Variants in DLEC1 observed in about 807,000 individuals in gnomAD.
DLEC1 encodes DLEC1 cilia and flagella associated protein, also known as deleted in lung and esophageal cancer protein 1.
Under a neutral mutation model 198.1 loss-of-function variants are expected in DLEC1, and 146 were observed. The ratio of observed to expected loss-of-function variants is 0.74; its 90% CI spans 0.64 to 0.85. The LOEUF (loss-of-function observed/expected upper bound fraction) is 0.85, where lower values mean the gene tolerates loss of function less well. DLEC1 is among the 40% of genes least tolerant of loss of function. The pLI, the probability that DLEC1 is intolerant of heterozygous loss-of-function variation, is 0.00. For missense variants in DLEC1, 2,233 were observed against 2,220.0 expected (o/e 1.01, Z -0.12); for synonymous variants, 897 against 866.8 (o/e 1.03, Z -0.61).
chr3:38,109,672 C>A, intron 22 of DLEC1, 110 bp downstream of exon 22: 1 of 1,550,070 alleles, frequency 6.5e-7, no homozygotes, highest in South Asian at 1.2e-5. Flanking sequence ...CTGATTCCTG[C>A]AGGCAGGAAA....
chr3:38,081,656 G>A (rs1302362993), intron 6 of DLEC1, among the ~76,000 whole-genome samples: 15 of 88,188 alleles, frequency 1.7e-4, no homozygotes, highest in South Asian at 1.1e-3. Context: ...GCGGCTGGCC[G>A]GGTGGGGGGG....
At position 38,123,416 on chromosome 3, in the gene DLEC1, C is replaced by A; in HGVS notation, c.*1004C>A. 1 of 325,454 alleles carries A rather than the reference C, an allele frequency of 3.1e-6. No homozygotes were observed. The allele number at this position is 325,454 out of a possible 1,614,324, so 20.2% of individuals were successfully genotyped here. ...CCTCCCCAGGGATCGATCATAATCC[C>A]AAAAGACACAATCCCAAACACAATC... On this transcript the variant is annotated 3_prime_UTR_variant, in exon 37 of 37. Transcript: ENST00000308059.
intron 2 of DLEC1, among the ~76,000 whole-genome samples, chr3:38,056,952 AATGATG>A (rs1196949499): frequency 6.6e-6 from 1 of 152,200 alleles, no homozygotes; most frequent in Non-Finnish European, 1.5e-5. Context: ...CACCCATCAG[AATGATG>A]ATGATGATGT....
At chr3:38,085,211 G>A in intron 7 of DLEC1, 63 bp from the exon 8 acceptor site, 1 of 1,582,282 alleles carries the variant, frequency 6.3e-7, no homozygotes, top group South Asian at 1.1e-5. Context: ...TGTACCAGCT[G>A]AGCTCAAGCC....
Position 38,115,038 on chromosome 3 carries a change from A to G in DLEC1, c.3841A>G (p.Asn1281Asp). ...DTVTRTLRLN[N>D]SSPCDIRLDW... ...AGTTACCCGAACCCTTCGCCTGAAT[A>G]ACTCCAGCCCCTGTGGTAAGACATG... The change falls in exon 27 of 37, where the codon AAC becomes GAC. Residue 1281 changes from asparagine to aspartate, a missense_variant. Asn to Asp is a conservative substitution (Grantham distance 23). Transcript: ENST00000308059. 6.2e-7 allele frequency: 1 copy of G among 1,614,004 alleles called. No individual in the cohort carries two copies. The highest frequency in any genetic ancestry group is 8.5e-7 in the Non-Finnish European group (1 of 1,179,934).
chr3:38,049,338 A>G (rs561788485), intron 2 of DLEC1, among the ~76,000 whole-genome samples: 3 of 152,068 alleles, frequency 2.0e-5, no homozygotes, highest in Non-Finnish European at 4.4e-5. Flanking sequence ...ACTTTTTTTT[A>G]TAACTCAGAT....
At chr3:38,084,499 T>C (rs1299344505) in intron 7 of DLEC1, among the ~76,000 whole-genome samples, 1 of 150,142 alleles carries the variant, frequency 6.7e-6, no homozygotes, top group African/African-American at 2.4e-5. Flanking sequence ...GTGGTAGTAG[T>C]AGTGGTAGTA....
At chr3:38,099,821 G>T (rs1699214856) in intron 18 of DLEC1, among the ~76,000 whole-genome samples, 1 of 151,904 alleles carries the variant, frequency 6.6e-6, no homozygotes, top group Non-Finnish European at 1.5e-5. Context: ...CTGCAGTAGG[G>T]GACAGAAGGA....
chr3:38,070,626 A>G (rs1431012482), intron 6 of DLEC1, among the ~76,000 whole-genome samples: 10 of 152,152 alleles, frequency 6.6e-5, no homozygotes, highest in Non-Finnish European at 1.0e-4. Flanking sequence ...GGTCCATTTT[A>G]TAAGATTTGG....
intron 20 of DLEC1, 33 bp from the exon 21 acceptor site, chr3:38,108,368 CAGTA>C: frequency 1.3e-6 from 2 of 1,553,234 alleles, no homozygotes; most frequent in Non-Finnish European, 1.8e-6. Flanking sequence ...TCTGGGAGCC[CAGTA>C]AGTGACAACA....
At position 38,039,268 on chromosome 3, in the gene DLEC1, C is replaced by G. The variant is rs1248943158; in HGVS notation, c.43C>G (p.Arg15Gly). The G allele has an allele frequency of 4.3e-6, 7 of 1,613,600 alleles. No homozygotes were observed. The highest frequency in any genetic ancestry group is 3.3e-5 in the Admixed American group (2 of 59,956). The stretch of plus-strand genomic sequence containing the variant: ...CAAAACGCGGAGGTCTTTAGCGTCC[C>G]GGACCAACGAGTGCCAGGGGACAAT... Reference protein sequence around the residue: ...SSKTRRSLASRTNECQGTMWA... With the variant: ...SSKTRRSLASGTNECQGTMWA... The change falls in exon 1 of 37, where the codon CGG becomes GGG. Residue 15 changes from arginine to glycine, a missense_variant. Coordinates refer to ENST00000308059, the MANE Select transcript of DLEC1 (RefSeq NM_007335.4).
In DLEC1 at chr3:38,062,722, T is replaced by C. The variant is rs1696760271; in HGVS notation, c.1015T>C (p.Tyr339His). ...CCGTTTTTTTCCTCCTAACACTCGA[T>C]ATGGAGGCAAGTCTCTTGTTTTTCC... ...NPRFFPPNTR[Y>H]GGKSLVFPPK... The change falls in exon 5 of 37, where the codon TAT (tyrosine) becomes CAT (histidine). Residue 339 changes from tyrosine (Y) to histidine (H), a missense_variant. Coordinates refer to ENST00000308059, the MANE Select transcript of DLEC1 (RefSeq NM_007335.4). 1.2e-6 allele frequency: 2 copies of C among 1,614,090 alleles called. No homozygotes were observed. Among genetic ancestry groups the C allele is most frequent in the Non-Finnish European group, 1.7e-6 (2 of 1,180,012 alleles).
intron 18 of DLEC1, among the ~76,000 whole-genome samples, chr3:38,098,171 C>T (rs978437604): frequency 6.6e-6 from 1 of 152,162 alleles, no homozygotes; most frequent in Non-Finnish European, 1.5e-5. Context: ...GTTTCTCCCT[C>T]AGAGCCGTCT....
At chr3:38,102,150 T>C (rs1349563755) in intron 19 of DLEC1, among the ~76,000 whole-genome samples, 1 of 152,130 alleles carries the variant, frequency 6.6e-6, no homozygotes, top group African/African-American at 2.4e-5. Flanking sequence ...TCTACTGCTC[T>C]TTTTTTGTGG....
At chr3:38,121,197 A>C (rs1273558285) in intron 34 of DLEC1, among the ~76,000 whole-genome samples, 2 of 152,214 alleles carry the variant, frequency 1.3e-5, no homozygotes, top group East Asian at 3.9e-4. Flanking sequence ...GGGATGGTGC[A>C]TGGCAGTGCC....
chr3:38,122,126 G>A lies in DLEC1; in HGVS notation c.5076G>A (p.Gly1692=), dbSNP rs761268801. Residue 1692 remains glycine, a synonymous_variant, in exon 36 of 37, where the codon GGG becomes GGA. Coordinates refer to ENST00000308059, the MANE Select transcript of DLEC1 (RefSeq NM_007335.4). ...AVAFRVSPNS[G]LLEARSANAP... ...CCTTCAGGGTCTCCCCAAACAGTGG[G>A]CTGCTAGAAGCACGATCCGCCAATG... 11 of 1,614,122 alleles carry A rather than the reference G, an allele frequency of 6.8e-6. No individual in the cohort carries two copies. The East Asian group carries it at 1.8e-4, about 26-fold the overall frequency.
At chr3:38,063,749 G>A in intron 5 of DLEC1, 92 bp from the exon 6 acceptor site, 1 of 922,352 alleles carries the variant, frequency 1.1e-6, no homozygotes, top group Non-Finnish European at 1.7e-6. Flanking sequence ...TGGTCTTTAT[G>A]TATTTATTTT....
At chr3:38,079,007 G>A (rs539030981) in intron 6 of DLEC1, among the ~76,000 whole-genome samples, 7 of 152,330 alleles carry the variant, frequency 4.6e-5, no homozygotes, top group African/African-American at 1.4e-4. Context: ...AAAACATGCT[G>A]TGGGATGGGA....
At position 38,076,021 on chromosome 3, in the gene DLEC1, G is replaced by A. The variant is rs145492891; in HGVS notation, c.1174-8137G>A. The stretch of plus-strand genomic sequence containing the variant: ...ATCCCTGCAATGATTAAACATCAAG[G>A]GAAGGCTGCCTTCCTAGTCTGTGAC... On this transcript the variant is annotated intron_variant, in intron 6 of 36. Coordinates refer to ENST00000308059, the MANE Select transcript of DLEC1 (RefSeq NM_007335.4). 3.8e-3 allele frequency among the ~76,000 whole-genome samples: 576 copies of A among 152,272 alleles called. 5 individuals carry two copies. Among genetic ancestry groups the A allele is most frequent in the African/African-American group, 0.013 (548 of 41,542 alleles).
Sources: allele counts gnomAD v4.1 joint callset (sites outside exome capture counted in the v4.1 genomes callset), GRCh38; gene constraint gnomAD v4.1.1; transcripts MANE v1.5; gene names NCBI Gene and HGNC (gene_info 2026-07-23, HGNC 2026-07-21).